ITIH2: variants seen among roughly 807,000 people sequenced by gnomAD.
The protein encoded by ITIH2 is inter-alpha-trypsin inhibitor heavy chain 2, also known as inter-alpha-trypsin inhibitor heavy chain H2.
Under a neutral mutation model 104.4 loss-of-function variants are expected in ITIH2, and 103 were observed. The ratio of observed to expected loss-of-function variants is 0.99; its 90% CI spans 0.84 to 1.16. ITIH2 has a LOEUF of 1.16. Among genes scored for constraint, ITIH2 ranks in the 50% most tolerant of loss-of-function variants. The probability of loss-of-function intolerance (pLI) is 0.00; values close to 1 mark genes in which losing one functional copy is unlikely to be tolerated. For missense variants in ITIH2, 1,108 were observed against 1,162.4 expected, an observed-to-expected ratio of 0.95 and a Z score of 0.68; for synonymous variants, 436 against 435.4, an observed-to-expected ratio of 1.00 and a Z score of -0.02.
intron 12 of ITIH2, among the ~76,000 whole-genome samples, chr10:7,730,883 T>C (rs1363382158): frequency 1.3e-5 from 2 of 152,098 alleles, no homozygotes; most frequent in African/African-American, 4.8e-5. Flanking sequence ...TACTATTATT[T>C]TTTGAGACAG....
chr10:7,734,287 G>A (rs1348294603), intron 14 of ITIH2, among the ~76,000 whole-genome samples: 1 of 152,198 alleles, frequency 6.6e-6, no homozygotes, highest in African/African-American at 2.4e-5. Flanking sequence ...TGATAGTGGG[G>A]AAGGCCGTGT....
chr10:7,705,312 T>C (rs1186196608), intron 2 of ITIH2, 130 bp downstream of exon 2: 2 of 685,868 alleles, frequency 2.9e-6, no homozygotes, highest in African/African-American at 3.6e-5. Context: ...GAGTCCAGAC[T>C]TCTTACACCT....
chr10:7,749,144 G>A, intron 20 of ITIH2, 43 bp from the exon 21 acceptor site: 1 of 1,602,578 alleles, frequency 6.2e-7, no homozygotes, highest in South Asian at 1.1e-5. Flanking sequence ...TGTGTCTAGA[G>A]GTGCTCAGTC....
chr10:7,722,623 G>T (rs1588454721), intron 8 of ITIH2, among the ~76,000 whole-genome samples: 1 of 152,130 alleles, frequency 6.6e-6, no homozygotes, highest in South Asian at 2.1e-4. Flanking sequence ...CATCTCTGGG[G>T]CTGCGCTGTC....
At chr10:7,746,283 G>A (rs1330109355) in intron 19 of ITIH2, among the ~76,000 whole-genome samples, 1 of 151,536 alleles carries the variant, frequency 6.6e-6, no homozygotes, top group African/African-American at 2.4e-5. Flanking sequence ...GCTGAGGTGG[G>A]AAGAACACTT....
rs1564303983 is a variant in ITIH2 at position 7,732,351 on chromosome 10, T to G, written c.1661T>G (p.Leu554Ter). 6.2e-7 allele frequency: 1 copy of G among 1,613,888 alleles called. No individual in the cohort carries two copies. The part of the protein sequence containing the change: ...VITATSANTQ[L>*]VLETLAQMDD... ...TCCATCATCTAGGCTAACACGCAGTTAGTCTTGGAGACCCTGGCCCAGATG... is the reference window on the plus strand; with the variant it reads ...TCCATCATCTAGGCTAACACGCAGTGAGTCTTGGAGACCCTGGCCCAGATG... The change falls in exon 14 of 21, where the codon TTA (leucine) becomes TGA (stop). Residue 554 changes from leucine (L) to a stop codon, truncating the protein, a stop_gained. Coordinates refer to ENST00000358415, the MANE Select transcript of ITIH2 (RefSeq NM_002216.3). LOFTEE classifies it high-confidence loss of function.
chr10:7,742,845 C>A (rs11816593), intron 16 of ITIH2, among the ~76,000 whole-genome samples: 6,236 of 152,196 alleles, frequency 0.041, 479 homozygotes, highest in African/African-American at 0.14. Flanking sequence ...TTTCTTATTC[C>A]TTAAGTCTTT....
intron 8 of ITIH2, among the ~76,000 whole-genome samples, chr10:7,723,016 G>A (rs1356974732): frequency 3.3e-5 from 5 of 151,812 alleles, no homozygotes; most frequent in Non-Finnish European, 7.4e-5. Context: ...CGGGTGGAGT[G>A]GAGTGGCGTG....
intron 2 of ITIH2, among the ~76,000 whole-genome samples, 179 bp downstream of exon 2, chr10:7,705,361 C>T (rs1054292669): frequency 1.3e-5 from 2 of 152,148 alleles, no homozygotes; most frequent in African/African-American, 4.8e-5. Flanking sequence ...AAAAGAGAAA[C>T]TCACACAACT....
At chr10:7,741,729 A>G (rs1232659302) in intron 16 of ITIH2, among the ~76,000 whole-genome samples, 2 of 80,652 alleles carry the variant, frequency 2.5e-5, no homozygotes, top group Admixed American at 1.8e-4. Flanking sequence ...TGCTCAACAG[A>G]ATAAAGGCCC....
At chr10:7,726,105 G>C (rs1194739052) in intron 9 of ITIH2, among the ~76,000 whole-genome samples, 2 of 152,192 alleles carry the variant, frequency 1.3e-5, no homozygotes, top group African/African-American at 4.8e-5. Context: ...TTTCAGTAGA[G>C]TGACAGGGAT....
chr10:7,723,501 A>G lies in ITIH2; in HGVS notation c.918A>G (p.Pro306=). 1 of 1,614,050 alleles carries G rather than the reference A, an allele frequency of 6.2e-7. No homozygotes were observed. Among genetic ancestry groups the G allele is most frequent in the Non-Finnish European group, 8.5e-7 (1 of 1,179,958 alleles). ...VHFFAPDNLD[P]IPKNILFVID... is the part of the protein sequence containing the mutation. Reference sequence around the variant, plus strand: ...TCTTTGCTCCTGACAACCTGGACCCAATTCCCAAAAACATCCTCTTTGTCA... The same window carrying G: ...TCTTTGCTCCTGACAACCTGGACCCGATTCCCAAAAACATCCTCTTTGTCA... The change falls in exon 9 of 21, where the codon CCA becomes CCG. Residue 306 remains proline, a synonymous_variant. Coordinates refer to ENST00000358415, the MANE Select transcript of ITIH2 (RefSeq NM_002216.3).
At chr10:7,721,115 C>T (rs1353838445) in intron 7 of ITIH2, 152 bp downstream of exon 7, 3 of 598,580 alleles carry the variant, frequency 5.0e-6, no homozygotes, top group Non-Finnish European at 9.0e-6. Flanking sequence ...TAGGGCCTCC[C>T]CAGGATACAC....
Position 7,717,801 on chromosome 10 carries a change from C to A in ITIH2, c.630+13C>A, listed in dbSNP as rs1834865231. The A allele has an allele frequency of 6.3e-7, 1 of 1,599,280 alleles. No individual in the cohort carries two copies. Among genetic ancestry groups the A allele is most frequent in the East Asian group, 2.2e-5 (1 of 44,486 alleles). On this transcript the variant is annotated intron_variant, in intron 6 of 20. Transcript: ENST00000358415. ...CAAACACTTAGAGGTAAGCCTGGAT[C>A]TGTAGGGTGGGCAGTGACACTGTCC...
intron 14 of ITIH2, among the ~76,000 whole-genome samples, chr10:7,732,974 G>A (rs1011924381): frequency 6.6e-6 from 1 of 152,124 alleles, no homozygotes; most frequent in Non-Finnish European, 1.5e-5. Flanking sequence ...TGATCCACCC[G>A]AGTGGGCCTC....
Position 7,727,786 on chromosome 10 carries a change from G to A in ITIH2, c.1237G>A (p.Val413Ile), listed in dbSNP as rs139479101. The A allele has an allele frequency of 1.3e-4, 215 of 1,614,022 alleles. No homozygotes were observed. Among genetic ancestry groups the A allele is most frequent in the Non-Finnish European group, 1.6e-4 (194 of 1,180,006 alleles). The change falls in exon 11 of 21, where the codon GTC becomes ATC. Residue 413 changes from valine (V) to isoleucine (I), a missense_variant. By Grantham distance (29) the Val-to-Ile change is conservative. Coordinates refer to ENST00000358415, the MANE Select transcript of ITIH2 (RefSeq NM_002216.3). ...CTTGGGACTGTTAGACCCCAACTCC[G>A]TCTCGCTGATCATTTTGGTTTCTGA... is the stretch of plus-strand genomic sequence containing the variant. Reference protein sequence around the residue: ...NNLGLLDPNSVSLIILVSDGD... With the variant: ...NNLGLLDPNSISLIILVSDGD...
chr10:7,729,984 G>A lies in ITIH2; in HGVS notation c.1312G>A (p.Val438Ile), dbSNP rs147442256. 115 of 1,607,754 alleles carry A rather than the reference G, an allele frequency of 7.2e-5. No individual in the cohort carries two copies. The highest frequency in any genetic ancestry group is 2.7e-4 in the East Asian group (12 of 44,748). ...AAAACTGTCAAAAATTCAGAAAAAC[G>A]TTAAGGAGAACATCCAAGACAATAT... ...ELKLSKIQKN[V>I]KENIQDNISL... Residue 438 changes from valine to isoleucine, a missense_variant, in exon 12 of 21, where the codon GTT becomes ATT. Physicochemically the swap from Val to Ile is conservative, Grantham distance 29 (BLOSUM62 3). Coordinates refer to ENST00000358415, the MANE Select transcript of ITIH2 (RefSeq NM_002216.3).
intron 6 of ITIH2, among the ~76,000 whole-genome samples, chr10:7,720,326 CAA>C (rs1834889716): frequency 6.6e-6 from 1 of 152,044 alleles, no homozygotes; most frequent in African/African-American, 2.4e-5. Context: ...TATAAACAAA[CAA>C]ATCATAGAAT....
At chr10:7,727,321 G>A (rs142748864) in intron 10 of ITIH2, among the ~76,000 whole-genome samples, 2 of 152,290 alleles carry the variant, frequency 1.3e-5, no homozygotes, top group East Asian at 1.9e-4. Flanking sequence ...GCTTTGAACC[G>A]TTTTAATGTC....
Sources: allele counts gnomAD v4.1 joint callset (sites outside exome capture counted in the v4.1 genomes callset), GRCh38; gene constraint gnomAD v4.1.1; transcripts MANE v1.5; gene names NCBI Gene and HGNC (gene_info 2026-07-23, HGNC 2026-07-21).